Variants in OCA2 observed in about 807,000 individuals in gnomAD.
The protein encoded by OCA2 is P protein.
Under a neutral mutation model 100.2 loss-of-function variants are expected in OCA2, and 77 were observed. The ratio of observed to expected loss-of-function variants is 0.77; its 90% CI spans 0.64 to 0.93. OCA2 has a LOEUF of 0.93. Ranked by LOEUF, OCA2 falls within the 40% of genes least tolerant of loss-of-function variation. The pLI is 0.00. For synonymous variants in OCA2, 432 were observed against 439.2 expected, an observed-to-expected ratio of 0.98 and a Z score of 0.21; for missense variants, 1,062 against 1,089.1, an observed-to-expected ratio of 0.98 and a Z score of 0.35.
At chr15:27,877,235 T>C (rs1472639540) in intron 19 of OCA2, among the ~76,000 whole-genome samples, 1 of 151,992 alleles carries the variant, frequency 6.6e-6, no homozygotes, top group Non-Finnish European at 1.5e-5. Context: ...GAGTATATAA[T>C]CCTTATGATG....
chr15:27,963,672 C>T (rs901246317), intron 15 of OCA2, among the ~76,000 whole-genome samples: 1 of 151,704 alleles, frequency 6.6e-6, no homozygotes, highest in African/African-American at 2.4e-5. Flanking sequence ...ATAAGATGCA[C>T]ATAAAATCAA....
Position 27,798,774 on chromosome 15 carries a change from C to T in OCA2, c.2433-43302G>A, listed in dbSNP as rs571134038. ...GCTGATTCCAACATTCAAAATAACA[C>T]GCAAGGTAACTACATTTTGTGCCCT... is the stretch of plus-strand genomic sequence containing the variant. On this transcript the variant is annotated intron_variant, in intron 23 of 23. Transcript: ENST00000354638. Among the ~76,000 whole-genome samples the T allele has an allele frequency of 7.9e-5, 12 of 152,258 alleles. No individual in the cohort carries two copies. The South Asian group carries it at 8.3e-4, about 11-fold the overall frequency.
At chr15:27,913,305 C>T (rs1349803604) in intron 19 of OCA2, among the ~76,000 whole-genome samples, 4 of 151,430 alleles carry the variant, frequency 2.6e-5, no homozygotes, top group Non-Finnish European at 4.4e-5. Context: ...TACTTTTTTA[C>T]GATATTTATG....
chr15:28,054,208 GTGTA>G (rs920617033), intron 2 of OCA2, among the ~76,000 whole-genome samples: 2 of 149,152 alleles, frequency 1.3e-5, no homozygotes, highest in African/African-American at 2.5e-5. Flanking sequence ...ACATGTATGT[GTGTA>G]TGTATGTGTA....
chr15:27,880,133 G>C (rs757230583), intron 19 of OCA2, among the ~76,000 whole-genome samples: 4 of 152,112 alleles, frequency 2.6e-5, no homozygotes, highest in Non-Finnish European at 4.4e-5. Flanking sequence ...GCTTGTTTTT[G>C]TCAGGTTTGC....
chr15:28,077,688 C>T (rs2044476176), intron 2 of OCA2, among the ~76,000 whole-genome samples: 1 of 152,186 alleles, frequency 6.6e-6, no homozygotes, highest in African/African-American at 2.4e-5. Flanking sequence ...CTGCGACTCA[C>T]GTCCCAATAT....
At chr15:28,041,453 T>C (rs1437718248) in intron 2 of OCA2, among the ~76,000 whole-genome samples, 1 of 152,204 alleles carries the variant, frequency 6.6e-6, no homozygotes, top group Non-Finnish European at 1.5e-5. Context: ...GCTTTTCCCC[T>C]ATGACTAGGA....
the OCA2 span, among the ~76,000 whole-genome samples, chr15:27,737,432 G>A: frequency 6.6e-6 from 1 of 152,206 alleles, no homozygotes; most frequent in African/African-American, 2.4e-5. Context: ...TATTAAAACA[G>A]GGAGTGTCGG....
chr15:27,737,567 T>C, the OCA2 span, among the ~76,000 whole-genome samples: 2 of 152,196 alleles, frequency 1.3e-5, no homozygotes, highest in East Asian at 3.9e-4. Context: ...TCTTGACTCC[T>C]ACTCACACCA....
chr15:27,956,463 A>C (rs778056974), intron 16 of OCA2, among the ~76,000 whole-genome samples: 1 of 152,164 alleles, frequency 6.6e-6, no homozygotes. Context: ...CTGTTTCCTC[A>C]TGTGTGACTA....
At chr15:27,913,931 G>GAAAA (rs2140287268) in intron 19 of OCA2, among the ~76,000 whole-genome samples, 1 of 132,190 alleles carries the variant, frequency 7.6e-6, no homozygotes, top group East Asian at 2.4e-4. Flanking sequence ...AAGCAAGCAA[G>GAAAA]AAAGAAAGAA....
intron 23 of OCA2, among the ~76,000 whole-genome samples, chr15:27,773,494 T>G (rs143219997): frequency 2.6e-5 from 4 of 152,368 alleles, no homozygotes; most frequent in African/African-American, 9.6e-5. Flanking sequence ...TGTTCAGATA[T>G]GTTTGGAGAA....
intron 23 of OCA2, among the ~76,000 whole-genome samples, chr15:27,802,832 A>T (rs914377851): frequency 1.3e-5 from 2 of 152,200 alleles, no homozygotes; most frequent in Admixed American, 6.5e-5. Context: ...AAGAAAACAC[A>T]GAAGAAAATC....
chr15:27,878,285 C>T (rs1403778044), intron 19 of OCA2, among the ~76,000 whole-genome samples: 1 of 151,992 alleles, frequency 6.6e-6, no homozygotes, highest in Non-Finnish European at 1.5e-5. Context: ...TTACACTTAC[C>T]TACTATTTAC....
intron 23 of OCA2, among the ~76,000 whole-genome samples, chr15:27,818,165 A>G (rs1405380999): frequency 6.6e-6 from 1 of 152,262 alleles, no homozygotes; most frequent in Non-Finnish European, 1.5e-5. Flanking sequence ...TGAGGCGGGT[A>G]GATCACCTGA....
At chr15:27,733,992 T>A in the OCA2 span, among the ~76,000 whole-genome samples, 1 of 151,628 alleles carries the variant, frequency 6.6e-6, no homozygotes, top group Non-Finnish European at 1.5e-5. Flanking sequence ...AAACCCCGTC[T>A]CTACTAAAAA....
intron 22 of OCA2, among the ~76,000 whole-genome samples, chr15:27,845,857 G>T (rs984253350): frequency 6.6e-6 from 1 of 152,158 alleles, no homozygotes; most frequent in Admixed American, 6.5e-5. Context: ...GGTGAACTGT[G>T]CAACACTGCC....
At chr15:27,884,778 C>T (rs755303189) in intron 19 of OCA2, among the ~76,000 whole-genome samples, 11 of 152,186 alleles carry the variant, frequency 7.2e-5, no homozygotes, top group African/African-American at 9.6e-5. Context: ...GATAGTGATA[C>T]GTATTTTTTT....
intron 2 of OCA2, among the ~76,000 whole-genome samples, chr15:28,057,267 C>G (rs1006063450): frequency 3.3e-5 from 5 of 152,180 alleles, no homozygotes; most frequent in African/African-American, 1.2e-4. Flanking sequence ...GTGATGGTCT[C>G]ATTATTTTTG....
Sources: gnomAD v4.1 joint callset for allele counts (sites outside exome capture counted in the v4.1 genomes callset) on GRCh38, gnomAD v4.1.1 for gene constraint, MANE v1.5 for transcripts, NCBI Gene and HGNC (gene_info 2026-07-23, HGNC 2026-07-21) for gene names.